GUCY1A2: variants seen among roughly 807,000 people sequenced by gnomAD.
GUCY1A2 encodes guanylate cyclase 1 soluble subunit alpha 2.
In GUCY1A2, 27 loss-of-function variants were observed where a neutral mutation model predicts 63.5. The ratio of observed to expected loss-of-function variants is 0.43; its 90% CI spans 0.31 to 0.59. The LOEUF (loss-of-function observed/expected upper bound fraction) is 0.59, where lower values mean the gene tolerates loss of function less well. GUCY1A2 is among the 20% of genes least tolerant of loss of function. GUCY1A2 has a pLI of 0.11. For synonymous variants in GUCY1A2, 364 were observed against 343.5 expected (o/e 1.06, Z -0.66); for missense variants, 768 against 913.3 (o/e 0.84, Z 2.05).
intron 4 of GUCY1A2, among the ~76,000 whole-genome samples, chr11:106,893,311 G>A (rs537511280): frequency 7.2e-5 from 11 of 152,062 alleles, no homozygotes; most frequent in Non-Finnish European, 1.2e-4. Context: ...TCAAAAACAT[G>A]TTGGTTAAAG....
intron 1 of GUCY1A2, 78 bp downstream of exon 1, chr11:107,017,675 C>T (rs1174257861): frequency 6.9e-6 from 6 of 868,380 alleles, no homozygotes; most frequent in African/African-American, 5.3e-5. Flanking sequence ...GCGCTCGCGC[C>T]CCGGCTCGCC....
At chr11:106,912,094 A>G (rs1860303353) in intron 4 of GUCY1A2, among the ~76,000 whole-genome samples, 1 of 152,018 alleles carries the variant, frequency 6.6e-6, no homozygotes, top group Non-Finnish European at 1.5e-5. Flanking sequence ...ATAAAAATCA[A>G]TATAAGTTTT....
At chr11:107,014,027 G>A (rs1040040498) in intron 1 of GUCY1A2, among the ~76,000 whole-genome samples, 13 of 136,576 alleles carry the variant, frequency 9.5e-5, no homozygotes, top group Non-Finnish European at 1.9e-4. Flanking sequence ...ATCTTAAAAA[G>A]TAAACTACTT....
At chr11:106,700,815 G>C (rs1862805224) in intron 7 of GUCY1A2, among the ~76,000 whole-genome samples, 1 of 151,668 alleles carries the variant, frequency 6.6e-6, no homozygotes, top group Admixed American at 6.6e-5. Context: ...TTAAGAAAAG[G>C]CTACAGAAAA....
chr11:107,003,719 C>T (rs750444136), intron 1 of GUCY1A2, among the ~76,000 whole-genome samples: 1 of 152,154 alleles, frequency 6.6e-6, no homozygotes, highest in Non-Finnish European at 1.5e-5. Context: ...CTCCCAAATG[C>T]CACCTTCCCA....
chr11:106,738,349 C>G (rs1863627089), intron 6 of GUCY1A2, among the ~76,000 whole-genome samples: 1 of 152,174 alleles, frequency 6.6e-6, no homozygotes, highest in Non-Finnish European at 1.5e-5. Context: ...GTTGCCTGTT[C>G]ACTCTGCTGA....
chr11:106,927,033 A>C (rs1189613539), intron 4 of GUCY1A2, among the ~76,000 whole-genome samples: 2 of 151,318 alleles, frequency 1.3e-5, no homozygotes, highest in Non-Finnish European at 3.0e-5. Context: ...CAAAAAAAAA[A>C]TTAACAGGGT....
intron 3 of GUCY1A2, among the ~76,000 whole-genome samples, chr11:106,951,252 T>C (rs1445269064): frequency 6.6e-6 from 1 of 152,244 alleles, no homozygotes; most frequent in Admixed American, 6.5e-5. Flanking sequence ...TTTGGGTATA[T>C]ACCCAGTAAT....
At chr11:106,927,715 C>A (rs2119931060) in intron 4 of GUCY1A2, among the ~76,000 whole-genome samples, 1 of 151,810 alleles carries the variant, frequency 6.6e-6, no homozygotes, top group East Asian at 2.0e-4. Context: ...CAGGCGCCCA[C>A]CACCACGCCC....
At chr11:106,714,166 C>T (rs527908473) in intron 6 of GUCY1A2, among the ~76,000 whole-genome samples, 1 of 151,818 alleles carries the variant, frequency 6.6e-6, no homozygotes, top group South Asian at 2.1e-4. Context: ...CCGAAAAATG[C>T]TGAAGACAAA....
chr11:106,746,032 A>T (rs1018127020), intron 6 of GUCY1A2, among the ~76,000 whole-genome samples: 1 of 152,184 alleles, frequency 6.6e-6, no homozygotes, highest in Non-Finnish European at 1.5e-5. Flanking sequence ...AGGACAAAAA[A>T]ACTGGGGCAA....
intron 4 of GUCY1A2, among the ~76,000 whole-genome samples, chr11:106,845,691 G>A (rs900677003): frequency 1.3e-5 from 2 of 151,340 alleles, no homozygotes; most frequent in Admixed American, 6.6e-5. Flanking sequence ...CTACCTTAAT[G>A]AGGTCATAGT....
In GUCY1A2 at chr11:106,686,222, A is replaced by C. The variant is rs1046353574; in HGVS notation, c.*1327T>G. ...TTTAGTGTGAGCCAGTAATATTTTC[A>C]TGCAGTATTGATTAATGAGAACAGG... is the stretch of plus-strand genomic sequence containing the variant. On this transcript the variant is annotated 3_prime_UTR_variant, in exon 8 of 8. Coordinates refer to ENST00000526355, the MANE Select transcript of GUCY1A2 (RefSeq NM_000855.3). The C allele has an allele frequency of 5.5e-5, 12 of 217,504 alleles. No homozygotes were observed. The highest frequency in any genetic ancestry group is 1.0e-4 in the Non-Finnish European group (11 of 108,210). The allele number at this position is 217,504 out of a possible 1,614,324, so 13.5% of individuals were successfully genotyped here. A position where few individuals can be genotyped will look rare whatever the true frequency, so the allele number is the denominator to read the frequency against.
At chr11:106,968,474 T>C (rs1415936615) in intron 3 of GUCY1A2, among the ~76,000 whole-genome samples, 1 of 152,228 alleles carries the variant, frequency 6.6e-6, no homozygotes, top group Admixed American at 6.5e-5. Context: ...TTTACTTATC[T>C]GGCTCTGGAC....
At position 106,683,425 on chromosome 11, in the gene GUCY1A2, CTG is replaced by C. The variant is rs1431115791; in HGVS notation, c.*4122_*4123del. ...GCTGTATGAAGTGCTTGGAGTCAGACTGTGTTTTGAAGAAAGAGCAGAGGGTG... is the reference window on the plus strand; with the variant it reads ...GCTGTATGAAGTGCTTGGAGTCAGACTGTTTTGAAGAAAGAGCAGAGGGTG... On this transcript the variant is annotated 3_prime_UTR_variant, in exon 8 of 8. Transcript: ENST00000526355. 4.4e-6 allele frequency: 1 copy of C among 225,816 alleles called. No individual in the cohort carries two copies. The highest frequency in any genetic ancestry group is 8.8e-6 in the Non-Finnish European group (1 of 113,354). 14.0% of individuals were successfully genotyped at this position (225,816 alleles called of 1,614,324 possible).
Position 106,978,594 on chromosome 11 carries a change from A to T in GUCY1A2, c.487+25T>A, listed in dbSNP as rs369360801. ...CCCTCTCTTTCATTCTCTCTCATCC[A>T]TATAAATATATATAGTTAATATACC... On this transcript the variant is annotated intron_variant, in intron 3 of 7. Transcript: ENST00000526355. 369 of 1,378,918 alleles carry T rather than the reference A, an allele frequency of 2.7e-4. 1 individual carries two copies. Among genetic ancestry groups the T allele is most frequent in the Non-Finnish European group, 3.6e-4 (359 of 990,574 alleles). 85.4% of individuals were successfully genotyped at this position (1,378,918 alleles called of 1,614,324 possible). A position where few individuals can be genotyped will look rare whatever the true frequency, so the allele number is the denominator to read the frequency against.
intron 4 of GUCY1A2, among the ~76,000 whole-genome samples, chr11:106,825,478 T>C (rs935509003): frequency 8.7e-5 from 13 of 149,986 alleles, no homozygotes. Flanking sequence ...AAGAAAAATC[T>C]CATGTTTTAA....
intron 6 of GUCY1A2, among the ~76,000 whole-genome samples, chr11:106,755,751 AGTGTTTTACTTCCAGTTAT>A (rs1021914775): frequency 2.0e-5 from 3 of 152,054 alleles, no homozygotes; most frequent in Middle Eastern, 3.2e-3. Context: ...TTTCCTGAGG[AGTGTTTTACTTCCAGTTAT>A]GTGGTCAATT....
chr11:106,782,202 G>A (rs929656273), intron 5 of GUCY1A2, among the ~76,000 whole-genome samples: 23 of 152,128 alleles, frequency 1.5e-4, no homozygotes, highest in South Asian at 2.1e-4. Context: ...AAGAGCAGAG[G>A]TTCAGAGTCT....
Sources: allele counts gnomAD v4.1 joint callset (sites outside exome capture counted in the v4.1 genomes callset), GRCh38; gene constraint gnomAD v4.1.1; transcripts MANE v1.5; gene names NCBI Gene and HGNC (gene_info 2026-07-23, HGNC 2026-07-21).